Variants in COL4A6 observed in about 807,000 individuals in gnomAD.
The protein encoded by COL4A6 is collagen type IV alpha 6 chain.
A neutral mutation model predicts 126.7 loss-of-function variants in COL4A6; 59 were observed. The ratio of observed to expected loss-of-function variants is 0.47; its 90% CI spans 0.38 to 0.58. The LOEUF (loss-of-function observed/expected upper bound fraction) is 0.58. COL4A6 is among the 20% of genes least tolerant of loss of function. COL4A6 has a pLI of 0.00. For missense variants in COL4A6, 1,285 were observed against 1,337.3 expected, an observed-to-expected ratio of 0.96 and a Z score of 0.61; for synonymous variants, 547 against 496.6, an observed-to-expected ratio of 1.10 and a Z score of -1.35.
intron 11 of COL4A6, 98 bp from the exon 12 acceptor site, chrX:108,204,510 G>T: frequency 1.3e-6 from 1 of 760,934 alleles, no homozygotes. Flanking sequence ...CAAATAAACT[G>T]TCTCTTACTT....
chrX:108,160,574 G>A lies in COL4A6; in HGVS notation c.4414C>T (p.His1472Tyr), dbSNP rs1189458534. 1.7e-6 allele frequency: 2 copies of A among 1,210,115 alleles called. No individual in the cohort carries two copies. Among genetic ancestry groups the A allele is most frequent in the Non-Finnish European group, 2.2e-6 (2 of 895,140 alleles). The part of the protein sequence containing the change: ...SMRVGYTLVK[H>Y]SQSEQVPPCP... ...GGGGGCACCTGTTCCGACTGGCTGTGCTTTACCAACGTGTAGCCCACTCTC... is the reference window on the plus strand; with the variant it reads ...GGGGGCACCTGTTCCGACTGGCTGTACTTTACCAACGTGTAGCCCACTCTC... Residue 1472 changes from histidine to tyrosine, a missense_variant, in exon 43 of 45, where the codon CAC becomes TAC. Physicochemically the swap from His to Tyr is moderately conservative, Grantham distance 83 (BLOSUM62 2). Transcript: ENST00000334504.
At position 108,289,241 on chromosome X, in the gene COL4A6, T is replaced by C. The variant is rs374433552; in HGVS notation, c.144+21507A>G. ...TTATATTTCCCAAGAGCAATGAGTATAGTGTGTGTGTGTGTGTGTGTGTGT... is the reference window on the plus strand; with the variant it reads ...TTATATTTCCCAAGAGCAATGAGTACAGTGTGTGTGTGTGTGTGTGTGTGT... On this transcript the variant is annotated intron_variant, in intron 3 of 44. Coordinates refer to ENST00000334504, the MANE Select transcript of COL4A6 (RefSeq NM_033641.4). Among the ~76,000 whole-genome samples, 7 of 82,711 alleles carry C rather than the reference T, an allele frequency of 8.5e-5. No homozygotes were observed. In the East Asian group the frequency reaches 3.5e-3, roughly 41 times the overall value. The allele number at this position is 82,711 out of a possible 115,157, so 71.8% of individuals were successfully genotyped here.
chrX:108,252,963 C>T (rs1045974643), intron 3 of COL4A6, among the ~76,000 whole-genome samples: 4 of 111,440 alleles, frequency 3.6e-5, no homozygotes, highest in African/African-American at 6.5e-5. Flanking sequence ...TAAAAATAAA[C>T]GTGAACAAAT....
chrX:108,227,047 C>G (rs1212085093), intron 3 of COL4A6, among the ~76,000 whole-genome samples: 2 of 111,682 alleles, frequency 1.8e-5, no homozygotes, highest in Admixed American at 9.5e-5. Flanking sequence ...TGGGCTCTAA[C>G]CAAGATATCA....
chrX:108,313,092 A>G (rs2038798908), intron 2 of COL4A6, among the ~76,000 whole-genome samples: 1 of 112,700 alleles, frequency 8.9e-6, no homozygotes, highest in South Asian at 3.7e-4. Context: ...GTTGGCCACA[A>G]GGCAATTTCC....
chrX:108,385,409 G>A (rs1281352693), intron 2 of COL4A6, among the ~76,000 whole-genome samples: 1 of 111,157 alleles, frequency 9.0e-6, no homozygotes, highest in Non-Finnish European at 1.9e-5. Flanking sequence ...CTTTAAGATG[G>A]CAATACTCCC....
intron 3 of COL4A6, among the ~76,000 whole-genome samples, chrX:108,258,864 C>A (rs900374651): frequency 1.8e-5 from 2 of 111,557 alleles, no homozygotes; most frequent in African/African-American, 6.5e-5. Flanking sequence ...ACTTAAAGAA[C>A]TGGTAACCAA....
Position 108,390,499 on chromosome X carries a change from C to A in COL4A6, c.63+47443G>T, listed in dbSNP as rs189401003. On this transcript the variant is annotated intron_variant, in intron 2 of 44. Transcript: ENST00000334504. ...TGAGTTGATCTTCAATCTCTGATAT[C>A]CTTTCTTCTGCTTGATCATTCTGGC... Among the ~76,000 whole-genome samples the A allele has an allele frequency of 3.6e-3, 393 of 108,028 alleles. 6 individuals carry two copies. The highest frequency in any genetic ancestry group is 0.036 in the Admixed American group (357 of 9,861). 93.8% of individuals were successfully genotyped at this position (108,028 alleles called of 115,157 possible). A position where few individuals can be genotyped will look rare whatever the true frequency, so the allele number is the denominator to read the frequency against.
intron 2 of COL4A6, among the ~76,000 whole-genome samples, chrX:108,320,902 G>A (rs1444682945): frequency 2.7e-5 from 3 of 111,810 alleles, no homozygotes; most frequent in African/African-American, 6.5e-5. Flanking sequence ...ACATAGACAC[G>A]TATGCAACAT....
At chrX:108,281,279 T>A (rs1265303395) in intron 3 of COL4A6, among the ~76,000 whole-genome samples, 2 of 91,204 alleles carry the variant, frequency 2.2e-5, no homozygotes, top group Non-Finnish European at 4.3e-5. Context: ...CTTAAGCTGA[T>A]AAGCAACTTC....
intron 3 of COL4A6, among the ~76,000 whole-genome samples, chrX:108,285,107 G>A (rs920522406): frequency 3.6e-5 from 4 of 111,695 alleles, no homozygotes; most frequent in African/African-American, 6.5e-5. Context: ...TATACTCTGG[G>A]TCTACTGGGT....
chrX:108,165,175 G>A (rs2034089270), intron 38 of COL4A6, 137 bp from the exon 39 acceptor site: 1 of 817,684 alleles, frequency 1.2e-6, no homozygotes, highest in African/African-American at 2.0e-5. Flanking sequence ...GGGTCCTAGT[G>A]CCCAGACTTT....
chrX:108,183,765 G>GC (rs1483397943), intron 23 of COL4A6: 7 of 928,171 alleles, frequency 7.5e-6, no homozygotes, highest in Non-Finnish European at 9.4e-6. Flanking sequence ...CTCTACAGCA[G>GC]CAGTCACCTA....
chrX:108,240,516 A>G (rs2036545829), intron 3 of COL4A6, among the ~76,000 whole-genome samples: 1 of 112,099 alleles, frequency 8.9e-6, no homozygotes, highest in South Asian at 3.7e-4. Context: ...TACATGTAGA[A>G]CTTCGCATTT....
intron 2 of COL4A6, among the ~76,000 whole-genome samples, chrX:108,396,809 CTT>C (rs2040974932): frequency 9.0e-6 from 1 of 111,502 alleles, no homozygotes; most frequent in Non-Finnish European, 1.9e-5. Context: ...CATGAGCTCC[CTT>C]TCTCTGCCTG....
chrX:108,335,266 C>T (rs776954471), intron 2 of COL4A6, among the ~76,000 whole-genome samples: 1 of 112,044 alleles, frequency 8.9e-6, no homozygotes, highest in Admixed American at 9.5e-5. Flanking sequence ...GTGTTCCTAG[C>T]ACTAATGCTT....
chrX:108,193,943 T>C (rs914932736), intron 16 of COL4A6, among the ~76,000 whole-genome samples: 3 of 112,831 alleles, frequency 2.7e-5, no homozygotes. Flanking sequence ...CCCAATTTTA[T>C]TTTGCAACTC....
intron 2 of COL4A6, among the ~76,000 whole-genome samples, chrX:108,385,672 C>A (rs1310439468): frequency 8.9e-6 from 1 of 111,957 alleles, no homozygotes; most frequent in Non-Finnish European, 1.9e-5. Context: ...AGAATTGAGA[C>A]TTAAGACATA....
intron 4 of COL4A6, 90 bp downstream of exon 4, chrX:108,221,150 T>C: frequency 8.9e-7 from 1 of 1,124,500 alleles, no homozygotes; most frequent in Non-Finnish European, 1.2e-6. Flanking sequence ...AGGAATGACA[T>C]CATAAATGAG....
Sources: gnomAD v4.1 joint callset for allele counts (sites outside exome capture counted in the v4.1 genomes callset) on GRCh38, gnomAD v4.1.1 for gene constraint, MANE v1.5 for transcripts, NCBI Gene and HGNC (gene_info 2026-07-23, HGNC 2026-07-21) for gene names.